The following CNTNAP4 variants were observed in gnomAD, a reference collection of about 807,000 sequenced individuals.
CNTNAP4 encodes the protein contactin-associated protein-like 4.
A neutral mutation model predicts 148.4 loss-of-function variants in CNTNAP4; 98 were observed. The ratio of observed to expected loss-of-function variants is 0.66; its 90% CI spans 0.56 to 0.78. The LOEUF (loss-of-function observed/expected upper bound fraction) is 0.78, where lower values mean the gene tolerates loss of function less well. CNTNAP4 is among the 30% of genes least tolerant of loss of function. The pLI is 0.00. For synonymous variants in CNTNAP4, 730 were observed against 565.1 expected (o/e 1.29, Z -4.14); for missense variants, 1,935 against 1,565.6 (o/e 1.24, Z -3.98).
intron 3 of CNTNAP4, among the ~76,000 whole-genome samples, chr16:76,412,101 A>C (rs1331320931): frequency 6.6e-6 from 1 of 151,494 alleles, no homozygotes; most frequent in Non-Finnish European, 1.5e-5. Flanking sequence ...ATGCTTATGA[A>C]AAACACCCAT....
intron 1 of CNTNAP4, among the ~76,000 whole-genome samples, chr16:76,307,503 C>CTT (rs1805524495): frequency 1.1e-5 from 1 of 91,724 alleles, no homozygotes; most frequent in Non-Finnish European, 2.0e-5. Flanking sequence ...ATTTTAAATG[C>CTT]ATATATATAT....
intron 8 of CNTNAP4, among the ~76,000 whole-genome samples, chr16:76,455,094 CATTAT>C (rs2080671651): frequency 1.3e-5 from 2 of 152,238 alleles, no homozygotes; most frequent in South Asian, 4.1e-4. Flanking sequence ...ATATTCAACA[CATTAT>C]ATTAGTATAA....
chr16:76,390,816 C>A (rs1323164137), intron 3 of CNTNAP4, among the ~76,000 whole-genome samples: 1 of 152,126 alleles, frequency 6.6e-6, no homozygotes, highest in Non-Finnish European at 1.5e-5. Context: ...ACTTTACCCT[C>A]CTCAAGTCTT....
intron 12 of CNTNAP4, among the ~76,000 whole-genome samples, chr16:76,487,409 G>T (rs1457835346): frequency 6.6e-6 from 1 of 152,214 alleles, no homozygotes; most frequent in Non-Finnish European, 1.5e-5. Flanking sequence ...GACCAGTAAA[G>T]TCAACCACAA....
chr16:76,452,503 C>T lies in CNTNAP4; in HGVS notation c.1072-5C>T. The T allele has an allele frequency of 6.2e-7, 1 of 1,613,670 alleles. No individual in the cohort carries two copies. Among genetic ancestry groups the T allele is most frequent in the African/African-American group, 1.3e-5 (1 of 75,040 alleles). On this transcript the variant is annotated splice_region_variant and splice_polypyrimidine_tract_variant and intron_variant, in intron 7 of 23. Transcript: ENST00000611870. ...TGAAAGCTTTTTCTTTTACTTTATT[C>T]TCAGGGAAATGTGTCATTTTCTTGT...
intron 1 of CNTNAP4, among the ~76,000 whole-genome samples, chr16:76,309,630 C>G (rs1597146225): frequency 6.6e-6 from 1 of 152,300 alleles, no homozygotes; most frequent in East Asian, 1.9e-4. Context: ...TAAGTCCTGG[C>G]TATTTGGGGC....
At chr16:76,472,044 G>A (rs1300981964) in intron 10 of CNTNAP4, among the ~76,000 whole-genome samples, 2 of 152,100 alleles carry the variant, frequency 1.3e-5, no homozygotes, top group African/African-American at 4.8e-5. Flanking sequence ...TTAGGTTTGG[G>A]TATGTTGATG....
At chr16:76,496,411 G>T (rs1271424448) in intron 14 of CNTNAP4, among the ~76,000 whole-genome samples, 1 of 152,044 alleles carries the variant, frequency 6.6e-6, no homozygotes, top group Non-Finnish European at 1.5e-5. Flanking sequence ...AAAACTTCTT[G>T]TATTAAATTC....
At chr16:76,419,562 A>G (rs954440161) in intron 3 of CNTNAP4, among the ~76,000 whole-genome samples, 18 of 151,892 alleles carry the variant, frequency 1.2e-4, no homozygotes, top group Non-Finnish European at 1.0e-4. Context: ...TTATCATAGA[A>G]GTTTTCCTGT....
At chr16:76,504,724 G>T (rs1027152700) in intron 15 of CNTNAP4, among the ~76,000 whole-genome samples, 2 of 152,058 alleles carry the variant, frequency 1.3e-5, no homozygotes, top group African/African-American at 4.8e-5. Flanking sequence ...TTTTATAGAG[G>T]CTAATACCCA....
intron 13 of CNTNAP4, among the ~76,000 whole-genome samples, chr16:76,490,826 G>A (rs562890298): frequency 3.3e-5 from 5 of 152,084 alleles, no homozygotes; most frequent in African/African-American, 1.2e-4. Flanking sequence ...TTCTAGCAGT[G>A]GCATTGAGGT....
intron 12 of CNTNAP4, among the ~76,000 whole-genome samples, chr16:76,483,138 G>A (rs570965675): frequency 2.6e-5 from 4 of 151,570 alleles, no homozygotes; most frequent in Admixed American, 6.6e-5. Flanking sequence ...AAATGCATCC[G>A]GATCTATACA....
chr16:76,314,118 G>A (rs1465067053), intron 1 of CNTNAP4, among the ~76,000 whole-genome samples: 2 of 152,062 alleles, frequency 1.3e-5, no homozygotes, highest in African/African-American at 2.4e-5. Context: ...GTAGATAGAC[G>A]ATAAATATGT....
chr16:76,418,133 C>A (rs139151501), intron 3 of CNTNAP4, among the ~76,000 whole-genome samples: 1 of 151,520 alleles, frequency 6.6e-6, no homozygotes, highest in Non-Finnish European at 1.5e-5. Context: ...TTTCCTGGAT[C>A]TACAGTTCAG....
chr16:76,537,811 TA>T (rs1298893404), intron 18 of CNTNAP4, among the ~76,000 whole-genome samples: 4 of 151,994 alleles, frequency 2.6e-5, no homozygotes, highest in African/African-American at 9.7e-5. Context: ...AAAATTTAAA[TA>T]AAAAAGTAGA....
intron 20 of CNTNAP4, 141 bp from the exon 21 acceptor site, chr16:76,540,562 A>T: frequency 3.2e-6 from 1 of 315,626 alleles, no homozygotes; most frequent in Non-Finnish European, 5.8e-6. Flanking sequence ...CTAAGCTTTT[A>T]AATTTTGTTT....
At chr16:76,521,823 T>C (rs201638434) in intron 16 of CNTNAP4, among the ~76,000 whole-genome samples, 1 of 146,940 alleles carries the variant, frequency 6.8e-6, no homozygotes, top group Admixed American at 6.9e-5. Flanking sequence ...CATTTTTTTT[T>C]CAAAAACATG....
At chr16:76,287,525 C>A (rs906765558) in intron 1 of CNTNAP4, 4 of 152,146 alleles carry the variant, frequency 2.6e-5, no homozygotes, top group Admixed American at 2.6e-4. Flanking sequence ...TAGGTAGTAC[C>A]ATTAATCACT....
chr16:76,440,128 G>A (rs969542486), intron 4 of CNTNAP4, among the ~76,000 whole-genome samples: 3 of 152,098 alleles, frequency 2.0e-5, no homozygotes, highest in Non-Finnish European at 1.5e-5. Context: ...ACTAAGAAGA[G>A]TTTGGTCTAT....
Sources: allele counts gnomAD v4.1 joint callset (sites outside exome capture counted in the v4.1 genomes callset), GRCh38; gene constraint gnomAD v4.1.1; transcripts MANE v1.5; gene names NCBI Gene and HGNC (gene_info 2026-07-23, HGNC 2026-07-21).